The following CELF2 variants were observed in gnomAD, a reference collection of about 807,000 sequenced individuals.
The protein encoded by CELF2 is CUGBP Elav-like family member 2, also known as CUG triplet repeat RNA-binding protein 2.
A neutral mutation model predicts 62.6 loss-of-function variants in CELF2; 8 were observed. The observed-to-expected ratio is 0.13, with a 90% CI of 0.07 to 0.23. The LOEUF is 0.23. Ranked by LOEUF, CELF2 falls within the 10% of genes least tolerant of loss-of-function variation. The pLI is 1.00. For missense variants in CELF2, 333 were observed against 671.0 expected, an observed-to-expected ratio of 0.50 and a Z score of 5.56; for synonymous variants, 258 against 250.0, an observed-to-expected ratio of 1.03 and a Z score of -0.30.
the CELF2 span, among the ~76,000 whole-genome samples, chr10:10,482,765 CA>C: frequency 6.6e-6 from 1 of 152,120 alleles, no homozygotes. Context: ...CCAACCACTC[CA>C]AAGCTCACAC....
rs2064739371 is a variant in CELF2, at chr10:11,157,408, A to AC, written c.75-8078_75-8077insC. Among the ~76,000 whole-genome samples, 1 of 57,126 alleles carries AC rather than the reference A, an allele frequency of 1.8e-5. No individual in the cohort carries two copies. The highest frequency in any genetic ancestry group is 7.5e-5 in the African/African-American group (1 of 13,378). 37.5% of individuals were successfully genotyped at this position (57,126 alleles called of 152,430 possible). A position where few individuals can be genotyped will look rare whatever the true frequency, so the allele number is the denominator to read the frequency against. Reference sequence around the variant, plus strand: ...GCCCTCCCCCCACACACACACACACAAAAATTTCACTTAAACATTGCTCAC... The same window carrying AC: ...GCCCTCCCCCCACACACACACACACACAAAATTTCACTTAAACATTGCTCAC... On this transcript the variant is annotated intron_variant, in intron 1 of 12. Coordinates refer to ENST00000633077, the MANE Select transcript of CELF2 (RefSeq NM_001326342.2). The surrounding 1 kb of genome is among the most constrained non-coding windows in gnomAD (Gnocchi z 4.9).
the CELF2 span, among the ~76,000 whole-genome samples, chr10:10,751,265 C>G: frequency 6.6e-6 from 1 of 152,208 alleles, no homozygotes; most frequent in Non-Finnish European, 1.5e-5. Context: ...GCCCTACAAG[C>G]ATTTATGCCA....
the CELF2 span, among the ~76,000 whole-genome samples, chr10:10,472,476 T>TA: frequency 6.6e-6 from 1 of 151,984 alleles, no homozygotes; most frequent in African/African-American, 2.4e-5. Context: ...GATTACATAT[T>TA]ACTTTTTAAA....
intron 1 of CELF2, among the ~76,000 whole-genome samples, chr10:10,851,958 G>A (rs545864508): frequency 3.9e-5 from 6 of 152,274 alleles, no homozygotes; most frequent in South Asian, 4.1e-4. Context: ...TCAAGTGTTG[G>A]CAAGTATGGG....
chr10:10,927,760 T>A (rs2065675049), intron 2 of CELF2, among the ~76,000 whole-genome samples: 1 of 152,122 alleles, frequency 6.6e-6, no homozygotes, highest in Admixed American at 6.6e-5. Context: ...CTACTTTCTC[T>A]CTCTCTTTCC....
rs758124960 is a variant in CELF2 at position 11,314,100 on chromosome 10, G to A, written c.977-39G>A. On this transcript the variant is annotated intron_variant, in intron 9 of 12. Coordinates refer to ENST00000633077, the MANE Select transcript of CELF2 (RefSeq NM_001326342.2). This position sits in a 1 kb window ranked among gnomAD's most constrained non-coding sequence, Gnocchi z 5.3. ...TCCAGTCTCGGCTCTCACTCACCTC[G>A]TGTCTTCTCTCCCCTTGTCTCTGTT... The A allele has an allele frequency of 1.6e-5, 25 of 1,579,210 alleles. No homozygotes were observed. Among genetic ancestry groups the A allele is most frequent in the East Asian group, 1.6e-4 (7 of 44,312 alleles).
At chr10:11,015,370 A>G (rs2057104884), upstream of CELF2, among the ~76,000 whole-genome samples, 1 of 152,224 alleles carries the variant, frequency 6.6e-6, no homozygotes, top group South Asian at 2.1e-4. This position sits in a 1 kb window ranked among gnomAD's most constrained non-coding sequence, Gnocchi z 4.8. Flanking sequence ...ACTCGATATT[A>G]GAAATGAAAG....
chr10:10,490,455 G>A, the CELF2 span, among the ~76,000 whole-genome samples: 8 of 152,056 alleles, frequency 5.3e-5, no homozygotes, highest in Non-Finnish European at 8.8e-5. Flanking sequence ...GATATTCACT[G>A]CAGAGTCAAA....
At chr10:10,869,655 T>G (rs2060611764) in intron 1 of CELF2, among the ~76,000 whole-genome samples, 1 of 152,186 alleles carries the variant, frequency 6.6e-6, no homozygotes, top group Non-Finnish European at 1.5e-5. Flanking sequence ...CACAACATTT[T>G]CTAATCCCTG....
the CELF2 span, among the ~76,000 whole-genome samples, chr10:10,594,677 G>A: frequency 6.6e-6 from 1 of 152,200 alleles, no homozygotes; most frequent in South Asian, 2.1e-4. Context: ...ATTTGCTCAA[G>A]AGCCATAGAA....
At chr10:10,605,877 T>C in the CELF2 span, among the ~76,000 whole-genome samples, 3 of 152,342 alleles carry the variant, frequency 2.0e-5, no homozygotes, top group South Asian at 2.1e-4. Flanking sequence ...TATTTGGAAC[T>C]GCGATAGGGC....
intron 1 of CELF2, among the ~76,000 whole-genome samples, chr10:11,065,540 T>A (rs936498488): frequency 2.0e-5 from 3 of 152,178 alleles, no homozygotes; most frequent in Non-Finnish European, 1.5e-5. Flanking sequence ...CCAGTCGTTG[T>A]TTGTGATTTA....
At chr10:10,965,542 G>A (rs2050034466) in intron 2 of CELF2, among the ~76,000 whole-genome samples, 1 of 152,184 alleles carries the variant, frequency 6.6e-6, no homozygotes, top group Admixed American at 6.5e-5. Flanking sequence ...CATATGGAAT[G>A]AGGCTGAAAT....
the CELF2 span, among the ~76,000 whole-genome samples, chr10:10,674,866 C>T: frequency 6.6e-6 from 1 of 152,046 alleles, no homozygotes; most frequent in Non-Finnish European, 1.5e-5. Context: ...AATAACAAAA[C>T]AATTCTAATT....
At chr10:10,672,816 G>A in the CELF2 span, among the ~76,000 whole-genome samples, 7 of 151,978 alleles carry the variant, frequency 4.6e-5, no homozygotes, top group Non-Finnish European at 1.0e-4. Flanking sequence ...GAATCAGTTT[G>A]TCAATATCTA....
intron 2 of CELF2, among the ~76,000 whole-genome samples, chr10:10,974,668 T>C (rs1348087007): frequency 1.3e-5 from 2 of 152,212 alleles, no homozygotes; most frequent in East Asian, 3.9e-4. Flanking sequence ...TGTATAGCAA[T>C]TTACTATCAG....
At chr10:10,678,833 C>A in the CELF2 span, among the ~76,000 whole-genome samples, 1 of 152,140 alleles carries the variant, frequency 6.6e-6, no homozygotes, top group Non-Finnish European at 1.5e-5. Context: ...GGGATCTGAG[C>A]TTTCGAAGTC....
At chr10:10,920,437 G>C (rs1465495449) in intron 2 of CELF2, among the ~76,000 whole-genome samples, 1 of 152,154 alleles carries the variant, frequency 6.6e-6, no homozygotes, top group African/African-American at 2.4e-5. Flanking sequence ...CCCCTGAAGA[G>C]CTCACATCAT....
chr10:10,794,903 C>T (rs1192361223), upstream of CELF2: 3 of 152,210 alleles, frequency 2.0e-5, no homozygotes, highest in African/African-American at 7.2e-5. Context: ...TCCCAGGGCG[C>T]TCTCTGCCAA....
Sources: allele counts gnomAD v4.1 joint callset (sites outside exome capture counted in the v4.1 genomes callset), GRCh38; gene constraint gnomAD v4.1.1; non-coding constraint Gnocchi (gnomAD v3.1); transcripts MANE v1.5; gene names NCBI Gene and HGNC (gene_info 2026-07-23, HGNC 2026-07-21).